TENT4A: variants seen among roughly 807,000 people sequenced by gnomAD.
TENT4A encodes terminal nucleotidyltransferase 4A, also known as DNA polymerase kappa.
In TENT4A, 7 loss-of-function variants were observed where a neutral mutation model predicts 72.8. That is an observed-to-expected ratio of 0.10 (90% CI 0.05 to 0.18). TENT4A has a LOEUF of 0.18. TENT4A is among the 10% of genes least tolerant of loss of function. The pLI is 1.00. For synonymous variants in TENT4A, 456 were observed against 434.3 expected (o/e 1.05, Z -0.62); for missense variants, 831 against 1,017.7 (o/e 0.82, Z 2.50).
intron 1 of TENT4A, among the ~76,000 whole-genome samples, chr5:6,725,169 A>T (rs1211284992): frequency 1.3e-5 from 2 of 152,076 alleles, no homozygotes; most frequent in African/African-American, 4.8e-5. Context: ...AAAATACAAA[A>T]AATTATCCGG....
At position 6,714,438 on chromosome 5, in the gene TENT4A, TCGC is replaced by T. The variant is rs1361921109; in HGVS notation, c.458_460del (p.Ala153del). 1.4e-5 allele frequency: 16 copies of T among 1,166,188 alleles called. No individual in the cohort carries two copies. The highest frequency in any genetic ancestry group is 9.4e-5 in the Admixed American group (2 of 21,332). 72.2% of individuals were successfully genotyped at this position (1,166,188 alleles called of 1,614,324 possible). ...GGCCGCGGCGGCGCCTTCTTCAACT[TCGC>T]CGACGGCGCGCCCAGCGCCCCTGGC... is the stretch of plus-strand genomic sequence containing the variant. On this transcript the variant is annotated inframe_deletion, in exon 1 of 13. Transcript: ENST00000230859.
intron 1 of TENT4A, among the ~76,000 whole-genome samples, chr5:6,737,132 G>A (rs1298293999): frequency 2.0e-5 from 3 of 152,246 alleles, no homozygotes; most frequent in Admixed American, 2.0e-4. Flanking sequence ...TGGGGCCTGT[G>A]CTGGAGCTGG....
intron 1 of TENT4A, among the ~76,000 whole-genome samples, chr5:6,721,151 C>T (rs1022811680): frequency 5.3e-5 from 8 of 152,126 alleles, no homozygotes; most frequent in Non-Finnish European, 7.4e-5. Flanking sequence ...TATTGTAGCC[C>T]GCATTCTTAG....
Position 6,750,447 on chromosome 5 carries a change from C to G in TENT4A, c.1804C>G (p.Leu602Val). 6.2e-7 allele frequency: 1 copy of G among 1,611,534 alleles called. No homozygotes were observed. The highest frequency in any genetic ancestry group is 8.5e-7 in the Non-Finnish European group (1 of 1,178,824). Residue 602 changes from leucine to valine, a missense_variant, in exon 10 of 13, where the codon CTC (leucine) becomes GTC (valine). Leu to Val is a conservative substitution (Grantham distance 32). Around this residue, in one of 3 missense-constraint regions of TENT4A, gnomAD observed 332 missense variants for 324.3 expected, o/e 1.02. Coordinates refer to ENST00000230859, the MANE Select transcript of TENT4A (RefSeq NM_006999.6). The stretch of plus-strand genomic sequence containing the variant: ...GACTTTGTCGCTGTCCAGCCCCCAG[C>G]TCCTGTCTTCAGGCTCCTCGGCCTC... ...RLTLSLSSPQ[L>V]LSSGSSASSV...
chr5:6,755,112 A>C lies in TENT4A; in HGVS notation c.*167A>C. ...TCGTGTGGTGGTCGCGTCCATCTTC[A>C]AGAACAGCTCGTTGTGCTCATCTGT... On this transcript the variant is annotated 3_prime_UTR_variant, in exon 13 of 13. Transcript: ENST00000230859. 1 of 529,972 alleles carries C rather than the reference A, an allele frequency of 1.9e-6. No homozygotes were observed. The highest frequency in any genetic ancestry group is 3.3e-6 in the Non-Finnish European group (1 of 306,046). The allele number at this position is 529,972 out of a possible 1,614,324, so 32.8% of individuals were successfully genotyped here.
chr5:6,718,278 T>C (rs975437718), intron 1 of TENT4A, among the ~76,000 whole-genome samples: 2 of 152,230 alleles, frequency 1.3e-5, no homozygotes, highest in South Asian at 2.1e-4. Context: ...CTCAATTCTT[T>C]CTTGCGAAGG....
At chr5:6,745,907 A>T in intron 6 of TENT4A, 1 of 637,142 alleles carries the variant, frequency 1.6e-6, no homozygotes, top group Non-Finnish European at 2.3e-6. Flanking sequence ...GTTATGCAGA[A>T]TATAGTCCAA....
intron 1 of TENT4A, 23 bp from the exon 2 acceptor site, chr5:6,737,487 A>G (rs1741566828): frequency 1.9e-6 from 3 of 1,590,954 alleles, no homozygotes; most frequent in South Asian, 2.3e-5. Context: ...TAACTCTAGT[A>G]TGTTTTCTTT....
intron 3 of TENT4A, 152 bp downstream of exon 3, chr5:6,738,881 A>C (rs1267150368): frequency 1.5e-6 from 1 of 675,316 alleles, no homozygotes. Flanking sequence ...AAATTGGCAG[A>C]AAGATTTAAT....
chr5:6,745,157 A>T (rs954796411), intron 6 of TENT4A, among the ~76,000 whole-genome samples: 1 of 152,188 alleles, frequency 6.6e-6, no homozygotes, highest in African/African-American at 2.4e-5. Context: ...AGGCTCTTGG[A>T]TATGTGATTT....
rs182146201 is a variant in TENT4A, at chr5:6,745,182, G to A, written c.1246-1032G>A. ...ATATGTGATTTTGGCTAAAAGACAA[G>A]GAATAAGGAAGGGAATAAAGGTCAG... On this transcript the variant is annotated intron_variant, in intron 6 of 12. Transcript: ENST00000230859. Among the ~76,000 whole-genome samples the A allele has an allele frequency of 8.5e-5, 13 of 152,324 alleles. No homozygotes were observed. The East Asian group carries it at 2.5e-3, about 29-fold the overall frequency.
Position 6,751,695 on chromosome 5 carries a change from T to G in TENT4A, c.2019+498T>G, listed in dbSNP as rs142393633. ...ACTGTTTTTAAAATTTAGATAAAAT[T>G]AGAAATCTAAAGGATAATTTTATAA... is the stretch of plus-strand genomic sequence containing the variant. On this transcript the variant is annotated intron_variant, in intron 11 of 12. Coordinates refer to ENST00000230859, the MANE Select transcript of TENT4A (RefSeq NM_006999.6). 3.7e-3 allele frequency among the ~76,000 whole-genome samples: 558 copies of G among 152,368 alleles called. 2 individuals carry two copies. Among genetic ancestry groups the G allele is most frequent in the African/African-American group, 0.013 (535 of 41,584 alleles).
rs889361827 is a variant in TENT4A, at chr5:6,750,316, T to C, written c.1688-15T>C. On this transcript the variant is annotated splice_polypyrimidine_tract_variant and intron_variant, in intron 9 of 12. Coordinates refer to ENST00000230859, the MANE Select transcript of TENT4A (RefSeq NM_006999.6). ...GTTCTCAGGAGTTATTAACCAAGGC[T>C]TTTTCCCTCCACAGACAGCAGGATC... The C allele has an allele frequency of 3.8e-6, 6 of 1,598,446 alleles. No homozygotes were observed. The highest frequency in any genetic ancestry group is 5.1e-6 in the Non-Finnish European group (6 of 1,172,810).
intron 11 of TENT4A, among the ~76,000 whole-genome samples, chr5:6,752,178 T>C (rs888826212): frequency 1.3e-5 from 2 of 152,220 alleles, no homozygotes; most frequent in Admixed American, 6.5e-5. Flanking sequence ...CCCACAAGCC[T>C]TGGGGCCCTT....
At position 6,714,664 on chromosome 5, in the gene TENT4A, G is replaced by T. The variant is rs1406074131; in HGVS notation, c.681G>T (p.Pro227=). The T allele has an allele frequency of 8.3e-7, 1 of 1,197,802 alleles. No individual in the cohort carries two copies. Among genetic ancestry groups the T allele is most frequent in the East Asian group, 3.5e-5 (1 of 28,564 alleles). The allele number at this position is 1,197,802 out of a possible 1,614,324, so 74.2% of individuals were successfully genotyped here. The change falls in exon 1 of 13, where the codon CCG becomes CCT. Residue 227 remains proline, a synonymous_variant. Coordinates refer to ENST00000230859, the MANE Select transcript of TENT4A (RefSeq NM_006999.6). The part of the protein sequence containing the change: ...PGAQAPRPGT[P]WKSRAYSPGI... ...CCCAGGCGCCGCGGCCCGGCACCCCGTGGAAGAGCCGCGCGTACAGCCCGG... is the reference window on the plus strand; with the variant it reads ...CCCAGGCGCCGCGGCCCGGCACCCCTTGGAAGAGCCGCGCGTACAGCCCGG...
At position 6,751,162 on chromosome 5, in the gene TENT4A, A is replaced by G; in HGVS notation, c.1984A>G (p.Thr662Ala). 1 of 1,614,152 alleles carries G rather than the reference A, an allele frequency of 6.2e-7. No homozygotes were observed. The highest frequency in any genetic ancestry group is 8.5e-7 in the Non-Finnish European group (1 of 1,180,032). Residue 662 changes from threonine to alanine, a missense_variant, in exon 11 of 13, where the codon ACT becomes GCT. Thr to Ala is a moderately conservative substitution (Grantham distance 58). Around this residue, in one of 3 missense-constraint regions of TENT4A, gnomAD observed 332 missense variants for 324.3 expected, o/e 1.02. Transcript: ENST00000230859. The part of the protein sequence containing the change: ...PMPSGKPQPT[T>A]SRTLIMTTNN... Reference sequence around the variant, plus strand: ...GCCCAGTGGCAAACCTCAGCCCACCACTTCCAGAACACTGATCATGACAAC... The same window carrying G: ...GCCCAGTGGCAAACCTCAGCCCACCGCTTCCAGAACACTGATCATGACAAC...
At position 6,750,430 on chromosome 5, in the gene TENT4A, C is replaced by T. The variant is rs771321599; in HGVS notation, c.1787C>T (p.Ser596Leu). 7 of 1,613,252 alleles carry T rather than the reference C, an allele frequency of 4.3e-6. No homozygotes were observed. The highest frequency in any genetic ancestry group is 2.2e-5 in the East Asian group (1 of 44,754). Residue 596 changes from serine (S) to leucine (L), a missense_variant, in exon 10 of 13, where the codon TCG becomes TTG. Ser to Leu is a moderately radical substitution (Grantham distance 145). Coordinates refer to ENST00000230859, the MANE Select transcript of TENT4A (RefSeq NM_006999.6). ...ESPYGQRLTL[S>L]LSSPQLLSSG... ...CCCTATGGCCAGCGCTTGACTTTGT[C>T]GCTGTCCAGCCCCCAGCTCCTGTCT...
Position 6,754,927 on chromosome 5 carries a change from C to A in TENT4A, c.2361C>A (p.Pro787=), listed in dbSNP as rs148807922. The change falls in exon 13 of 13, where the codon CCC becomes CCA. Residue 787 remains proline (P), a synonymous_variant. Transcript: ENST00000230859. The stretch of plus-strand genomic sequence containing the variant: ...ACACACACACACGGGACAGTCTGCC[C>A]GTGAGCCTCAGCAGATAATGGCTCC... ...KKHTHTRDSL[P]VSLSR is the part of the protein sequence containing the mutation. 6.3e-7 allele frequency: 1 copy of A among 1,583,276 alleles called. No individual in the cohort carries two copies. The highest frequency in any genetic ancestry group is 8.6e-7 in the Non-Finnish European group (1 of 1,157,028).
intron 1 of TENT4A, chr5:6,715,137 T>C (rs1459355981): frequency 6.6e-6 from 1 of 152,558 alleles, no homozygotes; most frequent in Admixed American, 6.5e-5. Context: ...TTAACCTTTT[T>C]AATTTCATTT....
Sources: allele counts gnomAD v4.1 joint callset (sites outside exome capture counted in the v4.1 genomes callset), GRCh38; gene constraint gnomAD v4.1.1; regional missense constraint gnomAD v4.1.1; transcripts MANE v1.5; gene names NCBI Gene and HGNC (gene_info 2026-07-23, HGNC 2026-07-21).